ZNF385D: variants seen among roughly 807,000 people sequenced by gnomAD.
ZNF385D encodes zinc finger protein 385D, also known as zinc finger protein 659.
Under a neutral mutation model 35.8 loss-of-function variants are expected in ZNF385D, and 15 were observed. The ratio of observed to expected loss-of-function variants is 0.42; its 90% confidence interval spans 0.28 to 0.64. ZNF385D has a LOEUF of 0.64. Ranked by LOEUF, ZNF385D falls within the 30% of genes least tolerant of loss-of-function variation. The probability of loss-of-function intolerance (pLI) is 0.23; values close to 1 mark genes in which losing one functional copy is unlikely to be tolerated. For synonymous variants in ZNF385D, 212 were observed against 186.8 expected (o/e 1.13, Z -1.10); for missense variants, 474 against 494.6 (o/e 0.96, Z 0.39).
chr3:22,181,692 C>T (rs1256227393), intron 2 of ZNF385D, among the ~76,000 whole-genome samples: 6 of 129,314 alleles, frequency 4.6e-5, no homozygotes, highest in South Asian at 2.5e-4. Flanking sequence ...AGTGAGACTC[C>T]GTCTCAAAAA....
chr3:22,092,577 A>G (rs892045961), intron 3 of ZNF385D, among the ~76,000 whole-genome samples: 1 of 152,120 alleles, frequency 6.6e-6, no homozygotes, highest in African/African-American at 2.4e-5. Context: ...CTGGATCGGT[A>G]TGGTGTGTGG....
chr3:21,981,158 G>C (rs1181559872), intron 3 of ZNF385D, among the ~76,000 whole-genome samples: 1 of 152,016 alleles, frequency 6.6e-6, no homozygotes, highest in Non-Finnish European at 1.5e-5. Context: ...TTTCCACAAT[G>C]GTTGAAGTAA....
At chr3:22,177,789 T>TG (rs1318667574) in intron 2 of ZNF385D, among the ~76,000 whole-genome samples, 3 of 152,212 alleles carry the variant, frequency 2.0e-5, no homozygotes, top group Non-Finnish European at 2.9e-5. Context: ...TGTGCCCATG[T>TG]GTTCTCACTG....
In ZNF385D at chr3:21,937,600, A is replaced by G. The variant is rs79357217; in HGVS notation, c.325+231217T>C. Among the ~76,000 whole-genome samples the G allele has an allele frequency of 5.6e-3, 852 of 152,244 alleles. 18 individuals carry two copies. The highest frequency in any genetic ancestry group is 0.053 in the East Asian group (275 of 5,188). ...GAATTCTAAAAATGTATTTATATTT[A>G]TATTTATGCATAGAAATAAAAAATT... On this transcript the variant is annotated intron_variant, in intron 3 of 5. Transcript: ENST00000494108.
intron 3 of ZNF385D, chr3:22,168,771 T>G (rs970897499): frequency 2.1e-6 from 2 of 970,002 alleles, no homozygotes; most frequent in Non-Finnish European, 1.2e-6. Context: ...ACAAATAACT[T>G]AAATTGATGA....
At chr3:21,841,459 ATTAAT>A (rs757558741) in intron 3 of ZNF385D, among the ~76,000 whole-genome samples, 8 of 152,004 alleles carry the variant, frequency 5.3e-5, no homozygotes, top group Non-Finnish European at 1.0e-4. Flanking sequence ...AGACTACTGT[ATTAAT>A]TTATCTTCCC....
At chr3:21,547,357 G>C (rs562840546) in intron 3 of ZNF385D, among the ~76,000 whole-genome samples, 1 of 152,152 alleles carries the variant, frequency 6.6e-6, no homozygotes, top group African/African-American at 2.4e-5. Flanking sequence ...TTTTTTAGCT[G>C]TTCTTACCCC....
At chr3:22,318,303 GA>G (rs1382970639) in intron 2 of ZNF385D, among the ~76,000 whole-genome samples, 1 of 152,076 alleles carries the variant, frequency 6.6e-6, no homozygotes, top group Non-Finnish European at 1.5e-5. Context: ...CAATATAGAA[GA>G]CAAGATTGAG....
chr3:21,791,869 G>C (rs937521079), intron 3 of ZNF385D, among the ~76,000 whole-genome samples: 1 of 152,008 alleles, frequency 6.6e-6, no homozygotes, highest in Non-Finnish European at 1.5e-5. Context: ...CGAGTAGCTG[G>C]GATTACAGGC....
chr3:22,336,246 T>C (rs1172920417), intron 2 of ZNF385D, among the ~76,000 whole-genome samples: 3 of 152,176 alleles, frequency 2.0e-5, no homozygotes, highest in Admixed American at 6.5e-5. Flanking sequence ...CATTATGATA[T>C]AATGTTAAGC....
intron 3 of ZNF385D, among the ~76,000 whole-genome samples, chr3:21,863,641 A>T (rs745955040): frequency 6.6e-6 from 1 of 152,158 alleles, no homozygotes; most frequent in Non-Finnish European, 1.5e-5. Context: ...AAACTATGGA[A>T]GGTCTACTGA....
intron 2 of ZNF385D, among the ~76,000 whole-genome samples, chr3:22,305,302 C>T (rs1332491570): frequency 1.3e-5 from 2 of 152,016 alleles, no homozygotes; most frequent in African/African-American, 2.4e-5. Flanking sequence ...GATTATTTTT[C>T]GTAGCTTCTA....
At chr3:22,161,484 C>G (rs975810554) in intron 3 of ZNF385D, among the ~76,000 whole-genome samples, 4 of 152,026 alleles carry the variant, frequency 2.6e-5, no homozygotes, top group African/African-American at 9.7e-5. Context: ...GGAACTTAGT[C>G]ATGCAGTCTG....
At chr3:22,160,752 G>C (rs957018836) in intron 3 of ZNF385D, among the ~76,000 whole-genome samples, 2 of 151,140 alleles carry the variant, frequency 1.3e-5, no homozygotes, top group Admixed American at 1.3e-4. Context: ...TTTGATAGCA[G>C]TTTCAGCCCA....
intron 3 of ZNF385D, among the ~76,000 whole-genome samples, chr3:21,863,213 C>T (rs1433840787): frequency 6.6e-6 from 1 of 152,186 alleles, no homozygotes; most frequent in Admixed American, 6.5e-5. Context: ...AGAGCTAAAA[C>T]AATATACTGA....
chr3:21,888,707 G>A (rs193196563), intron 3 of ZNF385D, among the ~76,000 whole-genome samples: 6 of 152,272 alleles, frequency 3.9e-5, no homozygotes, highest in African/African-American at 1.4e-4. Context: ...GAATATAAAT[G>A]AGTAACAGGA....
At chr3:22,162,067 TTG>T (rs1705992583) in intron 3 of ZNF385D, among the ~76,000 whole-genome samples, 4 of 152,164 alleles carry the variant, frequency 2.6e-5, no homozygotes, top group Non-Finnish European at 5.9e-5. Context: ...CTTGGAACAG[TTG>T]ATGCTAGTTC....
chr3:22,228,714 G>T (rs1273574256), intron 2 of ZNF385D, among the ~76,000 whole-genome samples: 2 of 152,192 alleles, frequency 1.3e-5, no homozygotes, highest in Admixed American at 6.5e-5. Flanking sequence ...CCAGTGGACT[G>T]GGAGTGGCAG....
intron 2 of ZNF385D, among the ~76,000 whole-genome samples, chr3:22,347,670 G>A (rs976639235): frequency 6.6e-6 from 1 of 152,164 alleles, no homozygotes; most frequent in African/African-American, 2.4e-5. Context: ...ATTTAAAAAT[G>A]ATATGACTGT....
Sources: gnomAD v4.1 joint callset for allele counts (sites outside exome capture counted in the v4.1 genomes callset) on GRCh38, gnomAD v4.1.1 for gene constraint, MANE v1.5 for transcripts, NCBI Gene and HGNC (gene_info 2026-07-23, HGNC 2026-07-21) for gene names.